Variants in GRIK3 observed in about 807,000 individuals in gnomAD.
GRIK3 encodes the protein glutamate receptor ionotropic, kainate 3.
Under a neutral mutation model 102.5 loss-of-function variants are expected in GRIK3, and 29 were observed. The observed-to-expected ratio is 0.28, with a 90% CI of 0.21 to 0.39. GRIK3 has a LOEUF of 0.39. GRIK3 is among the 10% of genes least tolerant of loss of function. The pLI, the probability that GRIK3 is intolerant of heterozygous loss-of-function variation, is 1.00. For synonymous variants in GRIK3, 511 were observed against 504.9 expected (o/e 1.01, Z -0.16); for missense variants, 908 against 1,252.4 (o/e 0.73, Z 4.15).
At chr1:37,001,959 T>A (rs1202218396) in intron 1 of GRIK3, among the ~76,000 whole-genome samples, 1 of 152,180 alleles carries the variant, frequency 6.6e-6, no homozygotes, top group South Asian at 2.1e-4. Flanking sequence ...GGGGTTGTGA[T>A]ACACTAAGTC....
At chr1:37,023,124 C>T (rs1046509292) in intron 1 of GRIK3, among the ~76,000 whole-genome samples, 17 of 151,962 alleles carry the variant, frequency 1.1e-4, no homozygotes, top group African/African-American at 2.9e-4. Flanking sequence ...GTCAGGAGTT[C>T]GAGACCAGCC....
intron 1 of GRIK3, among the ~76,000 whole-genome samples, chr1:36,933,408 G>T (rs754971179): frequency 3.9e-5 from 6 of 152,242 alleles, no homozygotes; most frequent in Non-Finnish European, 8.8e-5. Context: ...TGCAGCCAGA[G>T]ACATGAAGTA....
intron 1 of GRIK3, among the ~76,000 whole-genome samples, chr1:36,988,786 A>G (rs1006666696): frequency 2.6e-5 from 4 of 152,224 alleles, no homozygotes; most frequent in Non-Finnish European, 4.4e-5. Context: ...TATGTCACAG[A>G]TGGCAAAAGC....
At chr1:36,882,604 C>G (rs1371934141) in intron 2 of GRIK3, among the ~76,000 whole-genome samples, 1 of 152,152 alleles carries the variant, frequency 6.6e-6, no homozygotes, top group African/African-American at 2.4e-5. Flanking sequence ...CACTCACTGA[C>G]CTTCCTAGTT....
chr1:36,842,158 G>C (rs1245221165), intron 9 of GRIK3, among the ~76,000 whole-genome samples: 1 of 152,196 alleles, frequency 6.6e-6, no homozygotes, highest in Non-Finnish European at 1.5e-5. Flanking sequence ...CGGGAGCTCA[G>C]TAGGCACTTA....
At chr1:36,950,222 T>C (rs1470091974) in intron 1 of GRIK3, among the ~76,000 whole-genome samples, 2 of 152,234 alleles carry the variant, frequency 1.3e-5, no homozygotes, top group Non-Finnish European at 2.9e-5. Flanking sequence ...TTGCCAAAGA[T>C]AGCACAGCTG....
intron 5 of GRIK3, among the ~76,000 whole-genome samples, chr1:36,867,217 A>G (rs1427912303): frequency 6.6e-6 from 1 of 152,112 alleles, no homozygotes; most frequent in African/African-American, 2.4e-5. Flanking sequence ...ATCCCAGTTG[A>G]CCATCCATTC....
At chr1:36,838,375 T>G (rs1181508915) in intron 10 of GRIK3, among the ~76,000 whole-genome samples, 1 of 152,126 alleles carries the variant, frequency 6.6e-6, no homozygotes, top group Non-Finnish European at 1.5e-5. Flanking sequence ...AGTAGAAGAT[T>G]TTTGAAAGAG....
At chr1:36,866,566 A>G (rs981342472) in intron 5 of GRIK3, among the ~76,000 whole-genome samples, 1 of 152,202 alleles carries the variant, frequency 6.6e-6, no homozygotes, top group African/African-American at 2.4e-5. Flanking sequence ...TAGTTTATTT[A>G]ACACTTACAC....
At chr1:36,807,694 A>T (rs1476502048) in intron 13 of GRIK3, among the ~76,000 whole-genome samples, 2 of 152,098 alleles carry the variant, frequency 1.3e-5, no homozygotes, top group African/African-American at 4.8e-5. Context: ...AGACCCAAAC[A>T]TGTCCTGAGG....
At chr1:36,998,391 G>A (rs1195017264) in intron 1 of GRIK3, among the ~76,000 whole-genome samples, 1 of 152,162 alleles carries the variant, frequency 6.6e-6, no homozygotes, top group Non-Finnish European at 1.5e-5. Context: ...ACTTAGCATT[G>A]CCTTCCCAGT....
chr1:37,018,453 G>C (rs1365420588), intron 1 of GRIK3, among the ~76,000 whole-genome samples: 34 of 152,184 alleles, frequency 2.2e-4, no homozygotes, highest in Admixed American at 2.2e-3. Context: ...GAGATTTACA[G>C]ATGGCCACTC....
intron 1 of GRIK3, among the ~76,000 whole-genome samples, chr1:37,018,920 T>G (rs117124974): frequency 0.01 from 1,587 of 152,334 alleles, 13 homozygotes; most frequent in Admixed American, 0.018. Context: ...TTTAATTGCC[T>G]GAGAGCCTCT....
rs1443453081 is a variant in GRIK3, at chr1:36,869,766, G to C, written c.768C>G (p.His256Gln). 1 of 1,612,154 alleles carries C rather than the reference G, an allele frequency of 6.2e-7. No individual in the cohort carries two copies. Among genetic ancestry groups the C allele is most frequent in the Non-Finnish European group, 8.5e-7 (1 of 1,178,116 alleles). The part of the protein sequence containing the change: ...MAMGMMTEYY[H>Q]FIFTTLDLYA... ...ACATTACCAGAGTGGTGAAGATGAA[G>C]TGGTAGTACTCAGTCATCATGCCCA... Residue 256 changes from histidine (H) to glutamine (Q), a missense_variant, in exon 5 of 16, where the codon CAC becomes CAG. His to Gln is a conservative substitution (Grantham distance 24). This residue lies in a region of GRIK3 where 585 missense variants were observed against 824.9 expected (regional missense o/e 0.71). Coordinates refer to ENST00000373091, the MANE Select transcript of GRIK3 (RefSeq NM_000831.4).
chr1:36,809,060 C>T (rs1368390242), intron 13 of GRIK3, among the ~76,000 whole-genome samples: 1 of 152,168 alleles, frequency 6.6e-6, no homozygotes, highest in Non-Finnish European at 1.5e-5. Context: ...AGTTCTCCCT[C>T]TACTACTAGA....
chr1:36,841,469 G>A (rs986783003), intron 10 of GRIK3, among the ~76,000 whole-genome samples: 3 of 152,170 alleles, frequency 2.0e-5, no homozygotes, highest in African/African-American at 7.2e-5. Context: ...GATGCCAGTG[G>A]GGCCGGCTCT....
intron 1 of GRIK3, among the ~76,000 whole-genome samples, chr1:36,965,055 G>A (rs1417058660): frequency 6.6e-6 from 1 of 152,186 alleles, no homozygotes; most frequent in Non-Finnish European, 1.5e-5. Context: ...CCAGTGCCGT[G>A]GAGTGGAAGG....
At chr1:36,894,206 T>C (rs1029739441) in intron 1 of GRIK3, among the ~76,000 whole-genome samples, 6 of 152,224 alleles carry the variant, frequency 3.9e-5, no homozygotes, top group African/African-American at 1.2e-4. Flanking sequence ...CAGCCACTAA[T>C]TTACTTTTTG....
At chr1:36,909,696 G>T (rs779715432) in intron 1 of GRIK3, among the ~76,000 whole-genome samples, 11 of 152,058 alleles carry the variant, frequency 7.2e-5, no homozygotes, top group Non-Finnish European at 1.6e-4. Flanking sequence ...AGGCTCTGTA[G>T]CTTCCTGGGC....
Sources: allele counts gnomAD v4.1 joint callset (sites outside exome capture counted in the v4.1 genomes callset), GRCh38; gene constraint gnomAD v4.1.1; regional missense constraint gnomAD v4.1.1; transcripts MANE v1.5; gene names NCBI Gene and HGNC (gene_info 2026-07-23, HGNC 2026-07-21).